MTHFD2L: variants seen among roughly 807,000 people sequenced by gnomAD.
MTHFD2L encodes methylenetetrahydrofolate dehydrogenase (NADP+ dependent) 2 like.
MTHFD2L carries 29 observed loss-of-function variants against 34.9 expected under a neutral mutation model. The observed-to-expected ratio is 0.83, with a 90% CI of 0.62 to 1.13. The LOEUF is 1.13. Among genes scored for constraint, MTHFD2L ranks in the 50% most tolerant of loss-of-function variants. The pLI is 0.00. For missense variants in MTHFD2L, 481 were observed against 446.5 expected (o/e 1.08, Z -0.70); for synonymous variants, 167 against 155.7 (o/e 1.07, Z -0.54).
upstream of MTHFD2L, chr4:74,125,377 A>G (rs1578217250): frequency 6.6e-6 from 1 of 152,170 alleles, no homozygotes; most frequent in South Asian, 2.1e-4. Flanking sequence ...ATGATTTCCA[A>G]CTGCAAAGGG....
chr4:74,206,029 C>T (rs938541681), intron 5 of MTHFD2L, among the ~76,000 whole-genome samples: 1 of 151,632 alleles, frequency 6.6e-6, no homozygotes, highest in African/African-American at 2.4e-5. Flanking sequence ...ACCTGTAGAT[C>T]ATTGTATATT....
In MTHFD2L at chr4:74,211,299, A is replaced by G. The variant is rs141637387; in HGVS notation, c.712+9929A>G. 6.2e-3 allele frequency among the ~76,000 whole-genome samples: 950 copies of G among 152,292 alleles called. 11 individuals are homozygous for G. Among genetic ancestry groups the G allele is most frequent in the African/African-American group, 0.022 (908 of 41,550 alleles). ...GAAGGTTTCCAGCTTTTGCCCAATC[A>G]CTATGATATTGGCTATGGGTTTGTC... On this transcript the variant is annotated intron_variant, in intron 5 of 7. Transcript: ENST00000325278.
At chr4:74,276,923 G>GAA (rs1746728117) in intron 6 of MTHFD2L, among the ~76,000 whole-genome samples, 1 of 152,050 alleles carries the variant, frequency 6.6e-6, no homozygotes, top group African/African-American at 2.4e-5. Flanking sequence ...GGGAAAGAAA[G>GAA]AGGATTTTTT....
At chr4:74,159,918 C>T (rs181854120) in intron 1 of MTHFD2L, 2 of 258,326 alleles carry the variant, frequency 7.7e-6, no homozygotes, top group South Asian at 1.4e-4. Flanking sequence ...GGTTTTGACG[C>T]CCTCTTTGTA....
chr4:74,219,351 T>C (rs938866001), intron 5 of MTHFD2L, among the ~76,000 whole-genome samples: 1 of 152,080 alleles, frequency 6.6e-6, no homozygotes, highest in African/African-American at 2.4e-5. Flanking sequence ...TAGCCCACAG[T>C]GTTCTCATAT....
chr4:74,115,024 T>C (rs1161083085), intron 2 of MTHFD2L, among the ~76,000 whole-genome samples: 1 of 152,202 alleles, frequency 6.6e-6, no homozygotes. Context: ...GCAGCTGCCC[T>C]TGCCCAGTAA....
At chr4:74,264,554 T>A in intron 6 of MTHFD2L, among the ~76,000 whole-genome samples, 1 of 151,870 alleles carries the variant, frequency 6.6e-6, no homozygotes, top group East Asian at 1.9e-4. Flanking sequence ...TGAGAAAAAA[T>A]TAGAGTGTTA....
In MTHFD2L at chr4:74,293,590, C is replaced by T. The variant is rs115788769; in HGVS notation, c.932-8107C>T. On this transcript the variant is annotated intron_variant, in intron 7 of 7. Transcript: ENST00000325278. ...AAGAAGAAATATAGTAAATTCCCTC[C>T]GGAGCACTTGATTCCTGGTTGCCTT... 2.6e-3 allele frequency: 2,328 copies of T among 906,966 alleles called. 2 individuals carry two copies. Among genetic ancestry groups the T allele is most frequent in the Non-Finnish European group, 2.9e-3 (2,210 of 758,428 alleles). The allele number at this position is 906,966 out of a possible 1,614,324, so 56.2% of individuals were successfully genotyped here. A position where few individuals can be genotyped will look rare whatever the true frequency, so the allele number is the denominator to read the frequency against.
rs574547348 is a variant in MTHFD2L at position 74,210,501 on chromosome 4, T to C, written c.712+9131T>C. Among the ~76,000 whole-genome samples, 3 of 152,312 alleles carry C rather than the reference T, an allele frequency of 2.0e-5. No individual in the cohort carries two copies. In the East Asian group the frequency reaches 5.8e-4, roughly 29 times the overall value. ...AGGTTTGTCATAGATCAGATGGTTG[T>C]AGATGTGTGGTGGTATTTCTGAGGC... On this transcript the variant is annotated intron_variant, in intron 5 of 7. Coordinates refer to ENST00000325278, the MANE Select transcript of MTHFD2L (RefSeq NM_001144978.3).
intron 6 of MTHFD2L, among the ~76,000 whole-genome samples, chr4:74,260,601 T>C (rs1477440194): frequency 6.6e-6 from 1 of 152,112 alleles, no homozygotes; most frequent in East Asian, 1.9e-4. Context: ...ATCATTTCTA[T>C]TGAGTCTTCA....
At chr4:74,273,170 C>T (rs774645886) in intron 6 of MTHFD2L, among the ~76,000 whole-genome samples, 5 of 152,086 alleles carry the variant, frequency 3.3e-5, no homozygotes, top group Non-Finnish European at 7.4e-5. Context: ...GCTTTGGGTA[C>T]ATTTTAATAA....
chr4:74,120,463 G>T (rs939743898), upstream of MTHFD2L, among the ~76,000 whole-genome samples: 8 of 152,188 alleles, frequency 5.3e-5, no homozygotes, highest in Admixed American at 3.3e-4. Context: ...TTGCATATCA[G>T]GAAAACTCAA....
At chr4:74,226,372 T>C (rs1739163298) in intron 6 of MTHFD2L, among the ~76,000 whole-genome samples, 1 of 152,282 alleles carries the variant, frequency 6.6e-6, no homozygotes, top group South Asian at 2.1e-4. Context: ...TACTGAGTAC[T>C]AGGTTGGGTT....
chr4:74,145,192 A>G (rs1460559623), intron 1 of MTHFD2L, among the ~76,000 whole-genome samples: 10 of 151,984 alleles, frequency 6.6e-5, no homozygotes, highest in Non-Finnish European at 1.5e-4. Context: ...ATCATTCTGT[A>G]TTTGCAGGTT....
At chr4:74,287,631 C>A (rs1425865000) in intron 7 of MTHFD2L, among the ~76,000 whole-genome samples, 4 of 152,130 alleles carry the variant, frequency 2.6e-5, no homozygotes, top group Admixed American at 1.3e-4. Flanking sequence ...CCTGTAATCC[C>A]AGCTACTCAG....
chr4:74,168,136 G>A (rs1727149783), intron 1 of MTHFD2L, among the ~76,000 whole-genome samples: 1 of 152,150 alleles, frequency 6.6e-6, no homozygotes, highest in Non-Finnish European at 1.5e-5. Context: ...AAAAGTGAAA[G>A]TCACGTCAAA....
intron 6 of MTHFD2L, among the ~76,000 whole-genome samples, chr4:74,277,717 G>C (rs1333668003): frequency 2.6e-5 from 4 of 152,108 alleles, no homozygotes; most frequent in African/African-American, 9.6e-5. Flanking sequence ...AAACCATATA[G>C]AGTAAAATCT....
chr4:74,138,545 C>G (rs978784623), intron 1 of MTHFD2L, among the ~76,000 whole-genome samples: 1 of 152,168 alleles, frequency 6.6e-6, no homozygotes, highest in Non-Finnish European at 1.5e-5. Flanking sequence ...CAAACCTGGG[C>G]ACTTAACCAT....
intron 6 of MTHFD2L, among the ~76,000 whole-genome samples, chr4:74,225,633 A>G (rs1739026315): frequency 1.3e-5 from 2 of 152,204 alleles, no homozygotes; most frequent in African/African-American, 2.4e-5. Context: ...CACAAGAACA[A>G]TGTGCACTTT....
Sources: allele counts gnomAD v4.1 joint callset (sites outside exome capture counted in the v4.1 genomes callset), GRCh38; gene constraint gnomAD v4.1.1; transcripts MANE v1.5; gene names NCBI Gene and HGNC (gene_info 2026-07-23, HGNC 2026-07-21).